ZNF585B: variants seen among roughly 807,000 people sequenced by gnomAD.
ZNF585B encodes the protein zinc finger protein 41-like protein.
Under a neutral mutation model 14.0 loss-of-function variants are expected in ZNF585B, and 7 were observed. That is an observed-to-expected ratio of 0.50 (90% CI 0.28 to 0.94). ZNF585B has a LOEUF of 0.94. ZNF585B is among the 40% of genes least tolerant of loss of function. The pLI is 0.09. For missense variants in ZNF585B, 750 were observed against 924.4 expected, an observed-to-expected ratio of 0.81 and a Z score of 2.45; for synonymous variants, 290 against 317.3, an observed-to-expected ratio of 0.91 and a Z score of 0.91.
Position 37,184,416 on chromosome 19 carries a change from G to GAAAGAAAGAAAGAAAGAAAGAAAGAAAA in ZNF585B, c.*810_*811insTTTTCTTTCTTTCTTTCTTTCTTTCTTT, listed in dbSNP as rs60442183. On this transcript the variant is annotated 3_prime_UTR_variant, in exon 5 of 5. Coordinates refer to ENST00000532828, the MANE Select transcript of ZNF585B (RefSeq NM_152279.4). ...AGAAAGAAAGAAAGAAAGAAAGAAA[G>GAAAGAAAGAAAGAAAGAAAGAAAGAAAA]AGAAAGAAAGAAAAAGAAAGAAAGA... The GAAAGAAAGAAAGAAAGAAAGAAAGAAAA allele has an allele frequency of 1.3e-4, 9 of 67,988 alleles. No individual in the cohort carries two copies. The highest frequency in any genetic ancestry group is 4.9e-4 in the East Asian group (1 of 2,032). 4.2% of individuals were successfully genotyped at this position (67,988 alleles called of 1,614,324 possible). A position where few individuals can be genotyped will look rare whatever the true frequency, so the allele number is the denominator to read the frequency against.
At chr19:37,189,044 T>G (rs1370602492) in intron 4 of ZNF585B, among the ~76,000 whole-genome samples, 4 of 152,000 alleles carry the variant, frequency 2.6e-5, no homozygotes, top group Admixed American at 2.6e-4. Context: ...TTCAAGTGAC[T>G]CTTGTGCCTC....
chr19:37,208,779 G>A (rs1359620380), intron 1 of ZNF585B, among the ~76,000 whole-genome samples: 5 of 152,114 alleles, frequency 3.3e-5, no homozygotes, highest in Admixed American at 6.5e-5. Context: ...ATCACTTGAG[G>A]CCAGGAGTTC....
intron 2 of ZNF585B, among the ~76,000 whole-genome samples, chr19:37,205,006 C>T (rs1336712438): frequency 6.6e-6 from 1 of 152,178 alleles, no homozygotes; most frequent in Non-Finnish European, 1.5e-5. Context: ...CCTCAGCCTC[C>T]CAAAGTGCTG....
chr19:37,184,484 G>GAAAGAA lies in ZNF585B; in HGVS notation c.*737_*742dup, dbSNP rs1173781767. ...AGAAAGAAAGAAAGAAAGAAAGAAA[G>GAAAGAA]AAAGAAAGAAAGAAAGAAAGAGAAA... On this transcript the variant is annotated 3_prime_UTR_variant, in exon 5 of 5. Transcript: ENST00000532828. 8.4e-6 allele frequency: 1 copy of GAAAGAA among 118,500 alleles called. No individual in the cohort carries two copies. Among genetic ancestry groups the GAAAGAA allele is most frequent in the Non-Finnish European group, 1.8e-5 (1 of 55,822 alleles). The allele number at this position is 118,500 out of a possible 1,614,324, so 7.3% of individuals were successfully genotyped here.
At chr19:37,199,432 G>C (rs779369166) in intron 2 of ZNF585B, 1 of 402,388 alleles carries the variant, frequency 2.5e-6, no homozygotes, top group African/African-American at 3.2e-5. Flanking sequence ...GGCTAAGGTG[G>C]GGGGATCGAT....
chr19:37,187,031 T>A lies in ZNF585B; in HGVS notation c.506A>T (p.Gln169Leu). ...CTGATGTGTGATGAATTCTGGCTTC[T>A]GTACAAAAGCCCTCCCACATTCAAT... is the stretch of plus-strand genomic sequence containing the variant. The part of the protein sequence containing the change: ...VCIECGRAFV[Q>L]KPEFITHQKT... The change falls in exon 5 of 5, where the codon CAG (glutamine) becomes CTG (leucine). Residue 169 changes from glutamine (Q) to leucine (L), a missense_variant. Gln to Leu is a moderately radical substitution (Grantham distance 113). Coordinates refer to ENST00000532828, the MANE Select transcript of ZNF585B (RefSeq NM_152279.4). 1.2e-6 allele frequency: 2 copies of A among 1,613,030 alleles called. No individual in the cohort carries two copies. The highest frequency in any genetic ancestry group is 1.7e-6 in the Non-Finnish European group (2 of 1,179,698).
At chr19:37,190,196 G>A (rs28701616) in intron 2 of ZNF585B, 46 bp from the exon 3 acceptor site, 220,052 of 1,610,146 alleles carry the variant, frequency 0.14, 16,158 homozygotes, top group African/African-American at 0.27. Context: ...AGCTTTGCAC[G>A]GTGGAGTGAC....
chr19:37,187,710 A>G (rs1972354933), intron 4 of ZNF585B, among the ~76,000 whole-genome samples: 3 of 152,136 alleles, frequency 2.0e-5, no homozygotes, highest in African/African-American at 7.2e-5. Context: ...TTTTGCTTAT[A>G]GAGCAGCTAG....
intron 1 of ZNF585B, among the ~76,000 whole-genome samples, chr19:37,210,096 TA>T (rs1972630887): frequency 6.6e-6 from 1 of 152,054 alleles, no homozygotes; most frequent in African/African-American, 2.4e-5. Context: ...ATTTGAACAA[TA>T]CGAAACTGCT....
rs769198757 is a variant in ZNF585B at position 37,186,631 on chromosome 19, G to A, written c.906C>T (p.Asn302=). Residue 302 remains asparagine, a synonymous_variant, in exon 5 of 5, where the codon AAC becomes AAT. Transcript: ENST00000532828. ...ACTTGGAAATGAAGGATTTGCCACA[G>A]TTATTGCATTCATATGGTTTTTCTC... The part of the protein sequence containing the change: ...HSGEKPYECN[N]CGKSFISKSQ... The A allele has an allele frequency of 6.2e-7, 1 of 1,614,108 alleles. No homozygotes were observed. Among genetic ancestry groups the A allele is most frequent in the Non-Finnish European group, 8.5e-7 (1 of 1,180,046 alleles).
intron 2 of ZNF585B, among the ~76,000 whole-genome samples, chr19:37,197,227 A>G (rs1287978858): frequency 6.6e-6 from 1 of 151,532 alleles, no homozygotes; most frequent in South Asian, 2.1e-4. Context: ...GAGAACATAC[A>G]GTGTTTGGTT....
At chr19:37,198,458 C>T (rs10402144) in intron 2 of ZNF585B, among the ~76,000 whole-genome samples, 52,764 of 151,934 alleles carry the variant, frequency 0.35, 9,394 homozygotes, top group African/African-American at 0.42. Context: ...AGGCATGAGC[C>T]ACCAGGCCAG....
At chr19:37,205,866 G>C (rs912829491) in intron 2 of ZNF585B, among the ~76,000 whole-genome samples, 7 of 150,766 alleles carry the variant, frequency 4.6e-5, no homozygotes, top group Non-Finnish European at 8.9e-5. Context: ...ATCACCTGAG[G>C]GTCAGGAGTT....
intron 2 of ZNF585B, among the ~76,000 whole-genome samples, chr19:37,200,422 C>T (rs1161515477): frequency 5.3e-5 from 8 of 150,898 alleles, no homozygotes; most frequent in Admixed American, 3.3e-4. Context: ...TGGTGGCGCG[C>T]GCCTGTAATC....
In ZNF585B at chr19:37,186,577, G is replaced by A. The variant is rs758581847; in HGVS notation, c.960C>T (p.His320=). ...KSQLQVHQRV[H]TRVKPYICTE... ...TACATATATAGGGCTTCACTCTTGTGTGAACACGTTGATGTACCTGAAGTT... is the reference window on the plus strand; with the variant it reads ...TACATATATAGGGCTTCACTCTTGTATGAACACGTTGATGTACCTGAAGTT... The change falls in exon 5 of 5, where the codon CAC becomes CAT. Residue 320 remains histidine (H), a synonymous_variant. Transcript: ENST00000532828. 1.2e-6 allele frequency: 2 copies of A among 1,614,224 alleles called. No individual in the cohort carries two copies. The highest frequency in any genetic ancestry group is 1.1e-5 in the South Asian group (1 of 91,090).
At chr19:37,202,796 C>A (rs184993341) in intron 2 of ZNF585B, among the ~76,000 whole-genome samples, 1 of 152,170 alleles carries the variant, frequency 6.6e-6, no homozygotes, top group Non-Finnish European at 1.5e-5. Flanking sequence ...GTATGTGCCA[C>A]CATGCCCAGT....
intron 1 of ZNF585B, among the ~76,000 whole-genome samples, chr19:37,209,997 G>C (rs1319062831): frequency 6.6e-6 from 1 of 151,836 alleles, no homozygotes; most frequent in African/African-American, 2.4e-5. Context: ...TTACAGGTTT[G>C]AGCCACCGCG....
chr19:37,191,357 C>T (rs1198283975), intron 2 of ZNF585B, among the ~76,000 whole-genome samples: 2 of 152,120 alleles, frequency 1.3e-5, no homozygotes, highest in Non-Finnish European at 2.9e-5. Context: ...GTGGCTCATG[C>T]TTGTAATCCA....
chr19:37,193,611 C>T (rs984147127), intron 2 of ZNF585B, among the ~76,000 whole-genome samples: 6 of 151,942 alleles, frequency 3.9e-5, no homozygotes, highest in Admixed American at 6.6e-5. Flanking sequence ...GACCCTGTCC[C>T]TAAAAAAATA....
Sources: allele counts gnomAD v4.1 joint callset (sites outside exome capture counted in the v4.1 genomes callset), GRCh38; gene constraint gnomAD v4.1.1; transcripts MANE v1.5; gene names NCBI Gene and HGNC (gene_info 2026-07-23, HGNC 2026-07-21).